COL11A2: variants seen among roughly 807,000 people sequenced by gnomAD.
COL11A2 encodes the protein collagen type XI alpha 2 chain.
In COL11A2, 116 loss-of-function variants were observed where a neutral mutation model predicts 273.4. The observed-to-expected ratio is 0.42, with a 90% CI of 0.36 to 0.49. The LOEUF is 0.49. COL11A2 is among the 20% of genes least tolerant of loss of function. The pLI is 0.00. For missense variants in COL11A2, 1,866 were observed against 2,309.0 expected (o/e 0.81, Z 3.93); for synonymous variants, 782 against 864.2 (o/e 0.90, Z 1.67).
intron 39 of COL11A2, 45 bp from the exon 40 acceptor site, chr6:33,172,423 T>C: frequency 6.4e-7 from 1 of 1,560,638 alleles, no homozygotes; most frequent in East Asian, 2.3e-5. Flanking sequence ...TGCTCCCAAA[T>C]TAAACAGAGA....
Position 33,169,950 on chromosome 6 carries a change from C to T in COL11A2, c.3637-66G>A, listed in dbSNP as rs2855441. The T allele has an allele frequency of 0.65, 1,046,682 of 1,612,174 alleles. 346,610 individuals carry two copies. Among genetic ancestry groups the T allele is most frequent in the East Asian group, 0.97 (43,476 of 44,842 alleles). On this transcript the variant is annotated intron_variant, in intron 49 of 65. Coordinates refer to ENST00000341947, the MANE Select transcript of COL11A2 (RefSeq NM_080680.3). The surrounding 1 kb of genome is among the most constrained non-coding windows in gnomAD (Gnocchi z 5.5). The stretch of plus-strand genomic sequence containing the variant: ...AGCCAAAAAATTCTGATATTCCCCA[C>T]ATCTCATTCTCTTTTGTCTCCCCAC...
At chr6:33,174,990 C>T (rs1770696525) in intron 30 of COL11A2, among the ~76,000 whole-genome samples, 1 of 152,148 alleles carries the variant, frequency 6.6e-6, no homozygotes, top group Non-Finnish European at 1.5e-5. Flanking sequence ...GTGCATGCCC[C>T]CTTCCCCAGA....
In COL11A2 at chr6:33,181,129, C is replaced by A. The variant is rs192219284; in HGVS notation, c.1161G>T (p.Glu387Asp). The A allele has an allele frequency of 3.7e-6, 6 of 1,614,174 alleles. No individual in the cohort carries two copies. The African/African-American group carries it at 5.3e-5, about 14-fold the overall frequency. ...AACTTACAGGTTCCAACACTGCAGGCTCTCCTTTCTCTCCCTTCAGCCCTC... is the reference window on the plus strand; with the variant it reads ...AACTTACAGGTTCCAACACTGCAGGATCTCCTTTCTCTCCCTTCAGCCCTC... ...GPRGLKGEKG[E>D]PAVLEPGMLV... Residue 387 changes from glutamate to aspartate, a missense_variant, in exon 9 of 66, where the codon GAG (glutamate) becomes GAT (aspartate). Transcript: ENST00000341947.
At position 33,178,688 on chromosome 6, in the gene COL11A2, C is replaced by CTT; in HGVS notation, c.1708_1709dup (p.Gly571ArgfsTer145). 1 of 1,612,938 alleles carries CTT rather than the reference C, an allele frequency of 6.2e-7. No individual in the cohort carries two copies. The highest frequency in any genetic ancestry group is 8.5e-7 in the Non-Finnish European group (1 of 1,179,964). On this transcript the variant is annotated frameshift_variant, in exon 18 of 66. Transcript: ENST00000341947. LOFTEE classifies it high-confidence loss of function. The surrounding 1 kb of genome is among the most constrained non-coding windows in gnomAD (Gnocchi z 4.6). ...CCACTAATGTACTCACCCTATGGCC[C>CTT]TTCTCTCCAGGGAGCCCTGGGAGTC...
At position 33,177,504 on chromosome 6, in the gene COL11A2, G is replaced by A. The variant is rs1771091926; in HGVS notation, c.1918-39C>T. 3.1e-6 allele frequency: 5 copies of A among 1,608,308 alleles called. No individual in the cohort carries two copies. The highest frequency in any genetic ancestry group is 4.3e-6 in the Non-Finnish European group (5 of 1,176,158). On this transcript the variant is annotated intron_variant, in intron 22 of 65. Coordinates refer to ENST00000341947, the MANE Select transcript of COL11A2 (RefSeq NM_080680.3). This position sits in a 1 kb window ranked among gnomAD's most constrained non-coding sequence, Gnocchi z 5.9. The stretch of plus-strand genomic sequence containing the variant: ...ACCAGGCACAGGTCAGAAGGAGATG[G>A]AGATAGAACACATTTAGAGCATGGA...
chr6:33,180,878 C>A (rs1281985244), intron 10 of COL11A2, 86 bp downstream of exon 10: 2 of 1,576,890 alleles, frequency 1.3e-6, no homozygotes, highest in Non-Finnish European at 1.7e-6. Flanking sequence ...GAGGAGGAGG[C>A]CTGGGCATAT....
Position 33,173,716 on chromosome 6 carries a change from C to T in COL11A2, c.2613G>A (p.Gly871=). The T allele has an allele frequency of 6.3e-7, 1 of 1,576,144 alleles. No homozygotes were observed. The change falls in exon 35 of 66, where the codon GGG becomes GGA. Residue 871 remains glycine (G), a synonymous_variant. Transcript: ENST00000341947. The surrounding 1 kb of genome is among the most constrained non-coding windows in gnomAD (Gnocchi z 6.3). ...CCACACTCACCCTCTCTCCAGGGGG[C>T]CCATGGGGGCCATCACCACCAGATG... ...KGTSGGDGPH[G]PPGERGLPGP... is the part of the protein sequence containing the mutation.
chr6:33,170,202 G>A lies in COL11A2; in HGVS notation c.3583-102C>T, dbSNP rs1769829250. On this transcript the variant is annotated intron_variant, in intron 48 of 65. Coordinates refer to ENST00000341947, the MANE Select transcript of COL11A2 (RefSeq NM_080680.3). The surrounding 1 kb of genome is among the most constrained non-coding windows in gnomAD (Gnocchi z 4.3). ...CCCAAGGTTACAGCAGTGAGGCAGT[G>A]GAGGCCTCCCGGGAGTAAGGGCTTC... is the stretch of plus-strand genomic sequence containing the variant. The A allele has an allele frequency of 6.4e-7, 1 of 1,574,302 alleles. No homozygotes were observed. The highest frequency in any genetic ancestry group is 1.1e-5 in the South Asian group (1 of 90,164).
Position 33,172,352 on chromosome 6 carries a change from TG to T in COL11A2, c.2924del (p.Pro975GlnfsTer9). On this transcript the variant is annotated frameshift_variant, in exon 40 of 66. Coordinates refer to ENST00000341947, the MANE Select transcript of COL11A2 (RefSeq NM_080680.3). LOFTEE classifies it high-confidence loss of function. ...TKGDPGPPGA[P>X]GKDGPAGLRG... Reference sequence around the variant, plus strand: ...TCAGACCAGCAGGACCATCCTTCCCTGGGGCCCCAGGGGGACCAGGGTCACC... The same window carrying T: ...TCAGACCAGCAGGACCATCCTTCCCTGGGCCCCAGGGGGACCAGGGTCACC... 6.3e-7 allele frequency: 1 copy of T among 1,589,198 alleles called. No individual in the cohort carries two copies.
intron 11 of COL11A2, 123 bp from the exon 12 acceptor site, chr6:33,180,455 C>G: frequency 1.0e-6 from 1 of 973,944 alleles, no homozygotes. Flanking sequence ...TTTCCTGAGT[C>G]TCCCACCCCC....
In COL11A2 at chr6:33,183,074, A is replaced by C. The variant is rs190455970; in HGVS notation, c.1119+1071T>G. The stretch of plus-strand genomic sequence containing the variant: ...GAGGGGAGGTATGGGATGCGGCAGC[A>C]GGGTAGAGGAGGCAGCCAGAACTGC... On this transcript the variant is annotated intron_variant, in intron 8 of 65. Coordinates refer to ENST00000341947, the MANE Select transcript of COL11A2 (RefSeq NM_080680.3). Among the ~76,000 whole-genome samples the C allele has an allele frequency of 2.1e-4, 32 of 152,292 alleles. 1 individual carries two copies. The highest frequency in any genetic ancestry group is 1.7e-3 in the Admixed American group (26 of 15,296).
intron 3 of COL11A2, 119 bp from the exon 4 acceptor site, chr6:33,188,643 G>C: frequency 8.7e-7 from 1 of 1,152,184 alleles, no homozygotes; most frequent in Non-Finnish European, 1.3e-6. Flanking sequence ...TAATAACAAT[G>C]GCTACCATTT....
At position 33,176,993 on chromosome 6, in the gene COL11A2, G is replaced by C. The variant is rs144992893; in HGVS notation, c.2069C>G (p.Pro690Arg). The C allele has an allele frequency of 6.2e-7, 1 of 1,610,670 alleles. No homozygotes were observed. Among genetic ancestry groups the C allele is most frequent in the Non-Finnish European group, 8.5e-7 (1 of 1,178,868 alleles). Reference sequence around the variant, plus strand: ...ATTCGGAAGTGGGGTCCCACTCACCGGGGGTCCGTCTGAGCCAGGCATGCC... The same window carrying C: ...ATTCGGAAGTGGGGTCCCACTCACCCGGGGTCCGTCTGAGCCAGGCATGCC... Reference protein sequence around the residue: ...LPGMPGSDGPPGHPGKEGPPG... With the variant: ...LPGMPGSDGPRGHPGKEGPPG... Residue 690 changes from proline to arginine, a missense_variant and splice_region_variant, in exon 25 of 66, where the codon CCG becomes CGG. Physicochemically the swap from Pro to Arg is moderately radical, Grantham distance 103. Coordinates refer to ENST00000341947, the MANE Select transcript of COL11A2 (RefSeq NM_080680.3). This position sits in a 1 kb window ranked among gnomAD's most constrained non-coding sequence, Gnocchi z 4.9.
intron 41 of COL11A2, 36 bp downstream of exon 41, chr6:33,172,014 G>A (rs751142765): frequency 1.8e-5 from 29 of 1,603,602 alleles, no homozygotes; most frequent in East Asian, 6.7e-5. Flanking sequence ...CCCCTTTCCC[G>A]GGTCCTTCCT....
chr6:33,178,050 G>A lies in COL11A2; in HGVS notation c.1872+82C>T, dbSNP rs1165842645. ...TGGGAAGCATGCCGAGAGAGGAGAG[G>A]GAGCAGGAAGGCAGCTAGAAAGGTG... On this transcript the variant is annotated intron_variant, in intron 21 of 65. Coordinates refer to ENST00000341947, the MANE Select transcript of COL11A2 (RefSeq NM_080680.3). The surrounding 1 kb of genome is among the most constrained non-coding windows in gnomAD (Gnocchi z 4.6). The A allele has an allele frequency of 3.6e-6, 5 of 1,378,790 alleles. No homozygotes were observed. The East Asian group carries it at 1.1e-4, about 32-fold the overall frequency. 85.4% of individuals were successfully genotyped at this position (1,378,790 alleles called of 1,614,324 possible). A position where few individuals can be genotyped will look rare whatever the true frequency, so the allele number is the denominator to read the frequency against.
chr6:33,169,604 CAT>C lies in COL11A2; in HGVS notation c.3691-116_3691-115del, dbSNP rs1427436769. 8.7e-7 allele frequency: 1 copy of C among 1,155,084 alleles called. No individual in the cohort carries two copies. The highest frequency in any genetic ancestry group is 1.5e-5 in the African/African-American group (1 of 65,708). 71.6% of individuals were successfully genotyped at this position (1,155,084 alleles called of 1,614,324 possible). A position where few individuals can be genotyped will look rare whatever the true frequency, so the allele number is the denominator to read the frequency against. ...CCTACTCCCCTCAGTGACAATGGGA[CAT>C]ACACAGAAAGTCAAGCCTACAAGGG... On this transcript the variant is annotated intron_variant, in intron 50 of 65. Coordinates refer to ENST00000341947, the MANE Select transcript of COL11A2 (RefSeq NM_080680.3). The surrounding 1 kb of genome is among the most constrained non-coding windows in gnomAD (Gnocchi z 5.5).
chr6:33,172,488 C>T, intron 39 of COL11A2, 42 bp downstream of exon 39: 1 of 1,588,860 alleles, frequency 6.3e-7, no homozygotes, highest in Non-Finnish European at 8.6e-7. Context: ...GCACCCCAAT[C>T]CCCAGCTCCC....
intron 8 of COL11A2, among the ~76,000 whole-genome samples, chr6:33,181,796 A>AT (rs147467236): frequency 0.15 from 23,216 of 151,948 alleles, 2,259 homozygotes; most frequent in Admixed American, 0.26. Flanking sequence ...CCTTTCAGGG[A>AT]TTTTAAACCA....
intron 6 of COL11A2, 21 bp downstream of exon 6, chr6:33,185,680 G>A (rs767147825): frequency 7.8e-7 from 1 of 1,282,832 alleles, no homozygotes; most frequent in South Asian, 1.2e-5. Flanking sequence ...GGGAAGAAAT[G>A]AAGGGGTCCC....
Sources: gnomAD v4.1 joint callset for allele counts (sites outside exome capture counted in the v4.1 genomes callset) on GRCh38, gnomAD v4.1.1 for gene constraint, Gnocchi (gnomAD v3.1) non-coding constraint, MANE v1.5 for transcripts, NCBI Gene and HGNC (gene_info 2026-07-23, HGNC 2026-07-21) for gene names.